CMTM8: variants seen among roughly 807,000 people sequenced by gnomAD.
CMTM8 encodes the protein CKLF like MARVEL transmembrane domain containing 8.
Under a neutral mutation model 18.6 loss-of-function variants are expected in CMTM8, and 12 were observed. The ratio of observed to expected loss-of-function variants is 0.65; its 90% confidence interval spans 0.41 to 1.05. CMTM8 has a LOEUF of 1.05. Ranked by LOEUF, CMTM8 falls within the 50% of genes least tolerant of loss-of-function variation. The pLI is 0.00. For synonymous variants in CMTM8, 87 were observed against 90.6 expected (o/e 0.96, Z 0.23); for missense variants, 217 against 227.2 (o/e 0.95, Z 0.29).
At chr3:32,248,369 C>CT (rs942470307) in intron 1 of CMTM8, among the ~76,000 whole-genome samples, 15 of 148,410 alleles carry the variant, frequency 1.0e-4, no homozygotes, top group South Asian at 6.4e-4. Context: ...CATGTATAAG[C>CT]TTTTTTTTTT....
At chr3:32,350,206 C>A (rs1013185241) in intron 1 of CMTM8, among the ~76,000 whole-genome samples, 1 of 152,008 alleles carries the variant, frequency 6.6e-6, no homozygotes, top group Admixed American at 6.6e-5. Context: ...CCTCTCCCAC[C>A]CCCAACCTTT....
At chr3:32,258,045 G>A (rs1046390956) in intron 1 of CMTM8, among the ~76,000 whole-genome samples, 1 of 152,118 alleles carries the variant, frequency 6.6e-6, no homozygotes, top group African/African-American at 2.4e-5. Context: ...AGTCGCTGCT[G>A]GAGGGAGGGG....
Position 32,239,081 on chromosome 3 carries a change from C to A in CMTM8, c.109C>A (p.Leu37Ile). 1.2e-6 allele frequency: 2 copies of A among 1,601,418 alleles called. No individual in the cohort carries two copies. Among genetic ancestry groups the A allele is most frequent in the East Asian group, 2.3e-5 (1 of 44,048 alleles). The part of the protein sequence containing the change: ...SSSFAYDREF[L>I]RTLPGFLIVA... ...CAGCTTCGCCTACGACCGGGAGTTCCTCCGCACCCTGCCCGGCTTCCTCAT... is the reference window on the plus strand; with the variant it reads ...CAGCTTCGCCTACGACCGGGAGTTCATCCGCACCCTGCCCGGCTTCCTCAT... The change falls in exon 1 of 4, where the codon CTC becomes ATC. Residue 37 changes from leucine to isoleucine, a missense_variant. Physicochemically the swap from Leu to Ile is conservative, Grantham distance 5. Coordinates refer to ENST00000307526, the MANE Select transcript of CMTM8 (RefSeq NM_178868.5).
intron 1 of CMTM8, among the ~76,000 whole-genome samples, chr3:32,324,427 G>A (rs1402178378): frequency 1.3e-5 from 2 of 152,112 alleles, no homozygotes; most frequent in Non-Finnish European, 2.9e-5. Flanking sequence ...ATCAATACCT[G>A]TCTGTTAACA....
At chr3:32,359,785 G>A (rs1199613459) in intron 2 of CMTM8, among the ~76,000 whole-genome samples, 1 of 151,938 alleles carries the variant, frequency 6.6e-6, no homozygotes, top group East Asian at 1.9e-4. Context: ...GCCTTCTTCC[G>A]GCACCCCTGG....
intron 1 of CMTM8, among the ~76,000 whole-genome samples, chr3:32,281,708 C>T (rs1023452655): frequency 2.0e-5 from 3 of 152,102 alleles, no homozygotes; most frequent in African/African-American, 7.2e-5. Context: ...TGTCACTAGT[C>T]TACCCAAACA....
At chr3:32,259,673 G>T in intron 1 of CMTM8, 4 of 1,281,216 alleles carry the variant, frequency 3.1e-6, no homozygotes, top group Non-Finnish European at 4.5e-6. Flanking sequence ...TCAGGACCTT[G>T]CCAAGATCAT....
chr3:32,324,916 G>T (rs988483886), intron 1 of CMTM8, among the ~76,000 whole-genome samples: 1 of 152,234 alleles, frequency 6.6e-6, no homozygotes, highest in African/African-American at 2.4e-5. Flanking sequence ...CAAAGGAAGA[G>T]CAGAGTTATG....
intron 1 of CMTM8, among the ~76,000 whole-genome samples, chr3:32,344,133 A>G (rs2125591026): frequency 6.6e-6 from 1 of 152,358 alleles, no homozygotes; most frequent in South Asian, 2.1e-4. Context: ...GCAAATCTGC[A>G]GTCACTATTT....
At chr3:32,291,045 G>A (rs1163718656) in intron 1 of CMTM8, among the ~76,000 whole-genome samples, 7 of 152,000 alleles carry the variant, frequency 4.6e-5, no homozygotes, top group African/African-American at 1.7e-4. Context: ...GCTGTGCCTG[G>A]CCAATTTTAT....
rs1226951734 is a variant in CMTM8 at position 32,358,588 on chromosome 3, A to G, written c.321+1042A>G. 6.6e-6 allele frequency among the ~76,000 whole-genome samples: 1 copy of G among 152,216 alleles called. No individual in the cohort carries two copies. The highest frequency in any genetic ancestry group is 1.5e-5 in the Non-Finnish European group (1 of 68,036). ...TGGCACACTTTCAGACAACACTATC[A>G]TTGTTCAAAACGCACCTGGCTTTGT... On this transcript the variant is annotated intron_variant, in intron 2 of 3. Coordinates refer to ENST00000307526, the MANE Select transcript of CMTM8 (RefSeq NM_178868.5). The surrounding 1 kb of genome is among the most constrained non-coding windows in gnomAD (Gnocchi z 4.1).
intron 1 of CMTM8, among the ~76,000 whole-genome samples, chr3:32,345,097 G>T (rs1326660265): frequency 6.6e-6 from 1 of 152,080 alleles, no homozygotes; most frequent in Non-Finnish European, 1.5e-5. Flanking sequence ...CCTGTAATAG[G>T]ATTTGGGAGG....
chr3:32,320,699 A>G (rs1164867042), intron 1 of CMTM8, among the ~76,000 whole-genome samples: 4 of 152,208 alleles, frequency 2.6e-5, no homozygotes, highest in Non-Finnish European at 4.4e-5. Context: ...AGAGGTCTTC[A>G]CTGGCATTTA....
At chr3:32,357,232 G>A (rs528137899) in intron 1 of CMTM8, 141 bp from the exon 2 acceptor site, 19 of 751,642 alleles carry the variant, frequency 2.5e-5, no homozygotes, top group Admixed American at 1.1e-4. Flanking sequence ...CGACGGGAGC[G>A]AGACTCCATC....
chr3:32,323,091 G>A (rs943449214), intron 1 of CMTM8, among the ~76,000 whole-genome samples: 9 of 152,206 alleles, frequency 5.9e-5, no homozygotes, highest in Non-Finnish European at 1.0e-4. Context: ...CTGCAGCCAA[G>A]GGGAGATGAT....
Position 32,327,781 on chromosome 3 carries a change from G to A in CMTM8, c.148-29592G>A, listed in dbSNP as rs909520574. 2.6e-5 allele frequency among the ~76,000 whole-genome samples: 4 copies of A among 152,314 alleles called. No individual in the cohort carries two copies. In the South Asian group the frequency reaches 6.2e-4, roughly 24 times the overall value. On this transcript the variant is annotated intron_variant, in intron 1 of 3. Coordinates refer to ENST00000307526, the MANE Select transcript of CMTM8 (RefSeq NM_178868.5). ...CTGCCTGCACCCTCTTCAGTATTATGGCAGATTGGCCACCTTCTCCATGCA... is the reference window on the plus strand; with the variant it reads ...CTGCCTGCACCCTCTTCAGTATTATAGCAGATTGGCCACCTTCTCCATGCA...
intron 1 of CMTM8, among the ~76,000 whole-genome samples, chr3:32,327,339 A>G (rs1482829472): frequency 2.0e-5 from 3 of 152,198 alleles, no homozygotes; most frequent in African/African-American, 7.2e-5. Context: ...GTTGGGGCTC[A>G]CCTAGGTTTA....
At chr3:32,330,659 T>C (rs939900807) in intron 1 of CMTM8, among the ~76,000 whole-genome samples, 1 of 152,176 alleles carries the variant, frequency 6.6e-6, no homozygotes, top group Non-Finnish European at 1.5e-5. Flanking sequence ...ATGATCAATA[T>C]ATGTCATTTA....
chr3:32,277,717 C>A (rs980375491), intron 1 of CMTM8, among the ~76,000 whole-genome samples: 2 of 152,068 alleles, frequency 1.3e-5, no homozygotes, highest in Non-Finnish European at 2.9e-5. Flanking sequence ...GTTGTGTTGG[C>A]CTATACAGTG....
Sources: gnomAD v4.1 joint callset for allele counts (sites outside exome capture counted in the v4.1 genomes callset) on GRCh38, gnomAD v4.1.1 for gene constraint, Gnocchi (gnomAD v3.1) non-coding constraint, MANE v1.5 for transcripts, NCBI Gene and HGNC (gene_info 2026-07-23, HGNC 2026-07-21) for gene names.